The following EPB41L3 variants were observed in gnomAD, a reference collection of about 807,000 sequenced individuals.
EPB41L3 encodes erythrocyte membrane protein band 4.1 like 3, also known as band 4.1-like protein 3.
Under a neutral mutation model 127.1 loss-of-function variants are expected in EPB41L3, and 57 were observed. That is an observed-to-expected ratio of 0.45 (90% CI 0.36 to 0.56). The LOEUF (loss-of-function observed/expected upper bound fraction) is 0.56. Ranked by LOEUF, EPB41L3 falls within the 20% of genes least tolerant of loss-of-function variation. The pLI, the probability that EPB41L3 is intolerant of heterozygous loss-of-function variation, is 0.00. For synonymous variants in EPB41L3, 572 were observed against 549.5 expected (o/e 1.04, Z -0.57); for missense variants, 1,273 against 1,372.2 (o/e 0.93, Z 1.14).
Position 5,397,817 on chromosome 18 carries a change from C to T in EPB41L3, c.2472+204G>A, listed in dbSNP as rs1181815528. On this transcript the variant is annotated intron_variant, in intron 17 of 22. Coordinates refer to ENST00000341928, the MANE Select transcript of EPB41L3 (RefSeq NM_012307.5). This position sits in a 1 kb window ranked among gnomAD's most constrained non-coding sequence, Gnocchi z 4.1. ...AAAATTTCTCAATATGATCGCCTTTCGAATAGTGAAGTACATTCTTGAGAT... is the reference window on the plus strand; with the variant it reads ...AAAATTTCTCAATATGATCGCCTTTTGAATAGTGAAGTACATTCTTGAGAT... Among the ~76,000 whole-genome samples the T allele has an allele frequency of 2.6e-5, 4 of 152,182 alleles. No individual in the cohort carries two copies. The highest frequency in any genetic ancestry group is 5.9e-5 in the Non-Finnish European group (4 of 68,034).
chr18:5,570,247 A>C (rs527587874), intron 3 of EPB41L3: 1 of 152,256 alleles, frequency 6.6e-6, no homozygotes, highest in Non-Finnish European at 1.5e-5. Context: ...TTAGAATGAG[A>C]ATACATGGTC....
chr18:5,419,625 A>G (rs979957833), intron 12 of EPB41L3, 86 bp downstream of exon 12: 5 of 1,552,480 alleles, frequency 3.2e-6, no homozygotes, highest in South Asian at 1.2e-5. Flanking sequence ...CCTAAATCTG[A>G]GCACATTCCT....
At chr18:5,408,866 G>A (rs1177497163) in intron 14 of EPB41L3, among the ~76,000 whole-genome samples, 1 of 152,192 alleles carries the variant, frequency 6.6e-6, no homozygotes, top group Non-Finnish European at 1.5e-5. Context: ...GCATGTAGCA[G>A]CAAAGCTGTG....
At chr18:5,602,658 C>T (rs2094604423) in intron 3 of EPB41L3, among the ~76,000 whole-genome samples, 1 of 152,208 alleles carries the variant, frequency 6.6e-6, no homozygotes, top group African/African-American at 2.4e-5. Context: ...GTTGCCTAGG[C>T]AGGTCTTGAC....
At chr18:5,579,010 C>T (rs1179118062) in intron 3 of EPB41L3, among the ~76,000 whole-genome samples, 1 of 152,058 alleles carries the variant, frequency 6.6e-6, no homozygotes, top group Non-Finnish European at 1.5e-5. Context: ...CACCCACATG[C>T]TTATCAAGAA....
chr18:5,407,922 T>C lies in EPB41L3; in HGVS notation c.2122-186A>G, dbSNP rs147538188. Among the ~76,000 whole-genome samples, 187 of 152,272 alleles carry C rather than the reference T, an allele frequency of 1.2e-3. 1 individual carries two copies. Among genetic ancestry groups the C allele is most frequent in the African/African-American group, 4.2e-3 (174 of 41,540 alleles). Reference sequence around the variant, plus strand: ...ACAATTAGGAAGCTTAATAAGAATATAGGAATATAGGAGTGGAAGAATTCT... The same window carrying C: ...ACAATTAGGAAGCTTAATAAGAATACAGGAATATAGGAGTGGAAGAATTCT... On this transcript the variant is annotated intron_variant, in intron 14 of 22. Coordinates refer to ENST00000341928, the MANE Select transcript of EPB41L3 (RefSeq NM_012307.5).
chr18:5,560,071 G>A (rs543636385), intron 3 of EPB41L3, among the ~76,000 whole-genome samples: 2 of 152,244 alleles, frequency 1.3e-5, no homozygotes, highest in Admixed American at 6.5e-5. Flanking sequence ...TACACAATAC[G>A]ACCATTCCCA....
chr18:5,628,305 T>C (rs921015316), intron 1 of EPB41L3, among the ~76,000 whole-genome samples: 1 of 152,292 alleles, frequency 6.6e-6, no homozygotes, highest in Non-Finnish European at 1.5e-5. Flanking sequence ...CTTTCATTCA[T>C]TTAGTGGCTT....
At chr18:5,484,519 T>TAAAA (rs145804896) in intron 2 of EPB41L3, among the ~76,000 whole-genome samples, 8 of 146,364 alleles carry the variant, frequency 5.5e-5, no homozygotes, top group African/African-American at 2.0e-4. Context: ...GAAATTGAGA[T>TAAAA]AAAAAAAAAA....
At chr18:5,477,560 G>A (rs2087489781) in intron 3 of EPB41L3, among the ~76,000 whole-genome samples, 1 of 152,134 alleles carries the variant, frequency 6.6e-6, no homozygotes, top group African/African-American at 2.4e-5. Context: ...CATGCCCTGC[G>A]TGAATCCTCC....
chr18:5,601,100 G>A (rs1362248579), intron 3 of EPB41L3, among the ~76,000 whole-genome samples: 2 of 152,076 alleles, frequency 1.3e-5, no homozygotes, highest in Non-Finnish European at 1.5e-5. Flanking sequence ...TGCTTTCCAT[G>A]ATTCAGATAT....
chr18:5,503,449 C>A (rs2091908968), intron 1 of EPB41L3, among the ~76,000 whole-genome samples: 1 of 152,170 alleles, frequency 6.6e-6, no homozygotes, highest in Admixed American at 6.5e-5. Context: ...TCCACGTCCA[C>A]CAATTCAAAC....
chr18:5,440,532 T>C (rs1318522112), intron 5 of EPB41L3, among the ~76,000 whole-genome samples: 1 of 152,124 alleles, frequency 6.6e-6, no homozygotes, highest in Non-Finnish European at 1.5e-5. Context: ...GGGCCCTAGT[T>C]AGAAAGAGGA....
rs533263652 is a variant in EPB41L3 at position 5,479,266 on chromosome 18, A to G, written c.184-828T>C. Among the ~76,000 whole-genome samples, 8 of 152,256 alleles carry G rather than the reference A, an allele frequency of 5.3e-5. No individual in the cohort carries two copies. The East Asian group carries it at 1.5e-3, about 29-fold the overall frequency. On this transcript the variant is annotated intron_variant, in intron 2 of 22. Coordinates refer to ENST00000341928, the MANE Select transcript of EPB41L3 (RefSeq NM_012307.5). ...CACCAATGGTAGTACTGCAAATTCG[A>G]TCCTTGGGCTGCGCCACCACTGCCA...
At position 5,394,791 on chromosome 18, in the gene EPB41L3, C is replaced by G; in HGVS notation, c.3156G>C (p.Ala1052=). ...TGDADIDHDQ[A]LAQAIKEAKE... Reference sequence around the variant, plus strand: ...TGGCCTCTTTAATTGCCTGAGCCAGCGCCTATCCCCGGGAAATCACAGAAG... The same window carrying G: ...TGGCCTCTTTAATTGCCTGAGCCAGGGCCTATCCCCGGGAAATCACAGAAG... Residue 1052 remains alanine, a splice_region_variant and synonymous_variant, in exon 22 of 23, where the codon GCG becomes GCC. Transcript: ENST00000341928. 8 of 1,613,930 alleles carry G rather than the reference C, an allele frequency of 5.0e-6. No individual in the cohort carries two copies. The highest frequency in any genetic ancestry group is 6.8e-6 in the Non-Finnish European group (8 of 1,179,918).
intron 16 of EPB41L3, among the ~76,000 whole-genome samples, chr18:5,402,222 C>T (rs2074610792): frequency 2.0e-5 from 3 of 148,836 alleles, no homozygotes; most frequent in Admixed American, 6.7e-5. Context: ...TTTTGGAGGA[C>T]GGTATTGGAA....
At chr18:5,478,498 CT>C in intron 2 of EPB41L3, 60 bp from the exon 3 acceptor site, 9 of 1,494,608 alleles carry the variant, frequency 6.0e-6, no homozygotes, top group South Asian at 1.1e-5. Flanking sequence ...TATTGCATTG[CT>C]CATGCAATAG....
intron 7 of EPB41L3, among the ~76,000 whole-genome samples, 160 bp downstream of exon 7, chr18:5,433,739 CTGAG>C (rs1182381324): frequency 6.6e-6 from 1 of 152,170 alleles, no homozygotes; most frequent in Admixed American, 6.5e-5. Context: ...CCTGGATGCT[CTGAG>C]TGAGAGCTTG....
intron 2 of EPB41L3, 24 bp downstream of exon 2, chr18:5,488,977 A>G: frequency 1.3e-6 from 2 of 1,562,094 alleles, no homozygotes; most frequent in Non-Finnish European, 1.7e-6. Context: ...ACACTGCGTC[A>G]TTAGTTTTCT....
Sources: allele counts gnomAD v4.1 joint callset (sites outside exome capture counted in the v4.1 genomes callset), GRCh38; gene constraint gnomAD v4.1.1; non-coding constraint Gnocchi (gnomAD v3.1); transcripts MANE v1.5; gene names NCBI Gene and HGNC (gene_info 2026-07-23, HGNC 2026-07-21).